The following FAM178B variants were observed in gnomAD, a reference collection of about 807,000 sequenced individuals.
FAM178B encodes family with sequence similarity 178 member B.
A neutral mutation model predicts 91.7 loss-of-function variants in FAM178B; 82 were observed. The ratio of observed to expected loss-of-function variants is 0.89; its 90% CI spans 0.75 to 1.07. The LOEUF (loss-of-function observed/expected upper bound fraction) is 1.07, where lower values mean the gene tolerates loss of function less well. FAM178B is among the 50% of genes least tolerant of loss of function. The pLI is 0.00. For synonymous variants in FAM178B, 368 were observed against 359.4 expected (o/e 1.02, Z -0.27); for missense variants, 769 against 846.7 (o/e 0.91, Z 1.14).
rs767277193 is a variant in FAM178B at position 96,967,030 on chromosome 2, C to T, written c.734+490G>A. Among the ~76,000 whole-genome samples the T allele has an allele frequency of 5.2e-4, 79 of 152,240 alleles. 1 individual carries two copies. Among genetic ancestry groups the T allele is most frequent in the Admixed American group, 3.9e-3 (60 of 15,296 alleles). The stretch of plus-strand genomic sequence containing the variant: ...AAACAGTGTGCCCTGAAGATGGATT[C>T]GGTTGTGGCCCTGGGCATCTCTGAT... On this transcript the variant is annotated intron_variant, in intron 5 of 16. Coordinates refer to ENST00000490605, the MANE Select transcript of FAM178B (RefSeq NM_001122646.3).
At chr2:96,887,328 G>C (rs1335596350) in intron 14 of FAM178B, among the ~76,000 whole-genome samples, 1 of 152,204 alleles carries the variant, frequency 6.6e-6, no homozygotes, top group Non-Finnish European at 1.5e-5. Context: ...CTCAACCTCT[G>C]AAAGTGCTGA....
intron 6 of FAM178B, among the ~76,000 whole-genome samples, chr2:96,959,171 C>A (rs1022601592): frequency 6.2e-5 from 9 of 145,970 alleles, no homozygotes; most frequent in African/African-American, 2.3e-4. Context: ...TGCACTCCAG[C>A]CTGGGTGACA....
intron 4 of FAM178B, 120 bp downstream of exon 4, chr2:96,970,596 G>A: frequency 1.3e-6 from 1 of 743,002 alleles, no homozygotes; most frequent in Non-Finnish European, 2.3e-6. Context: ...AGAGCACACA[G>A]GGCAGGCTGA....
At chr2:96,933,838 G>A (rs1243562534) in intron 8 of FAM178B, among the ~76,000 whole-genome samples, 1 of 152,194 alleles carries the variant, frequency 6.6e-6, no homozygotes, top group Non-Finnish European at 1.5e-5. Flanking sequence ...CAGGAGGCTG[G>A]TTCCTAAAGG....
intron 14 of FAM178B, among the ~76,000 whole-genome samples, chr2:96,882,979 G>T (rs931969540): frequency 1.3e-5 from 2 of 152,254 alleles, no homozygotes; most frequent in African/African-American, 4.8e-5. Flanking sequence ...CTGCCAGCAA[G>T]GGCCGAGCTC....
intron 1 of FAM178B, chr2:96,977,768 G>A (rs960820404): frequency 4.4e-6 from 2 of 452,158 alleles, no homozygotes; most frequent in East Asian, 1.4e-4. Context: ...AGTGCTTTCT[G>A]TGTCATCCTA....
chr2:96,984,524 G>A (rs1232565521), intron 1 of FAM178B, among the ~76,000 whole-genome samples: 2 of 152,248 alleles, frequency 1.3e-5, no homozygotes, highest in African/African-American at 4.8e-5. Context: ...CCCAATCAGC[G>A]TATTCAGACT....
intron 12 of FAM178B, among the ~76,000 whole-genome samples, chr2:96,903,031 C>CTTATT (rs536160571): frequency 1.4e-5 from 2 of 144,502 alleles, no homozygotes; most frequent in South Asian, 2.1e-4. Context: ...CACTGAACTG[C>CTTATT]TTATTTTATT....
intron 12 of FAM178B, among the ~76,000 whole-genome samples, chr2:96,911,568 T>C (rs1049769228): frequency 3.3e-5 from 5 of 152,228 alleles, no homozygotes; most frequent in Non-Finnish European, 5.9e-5. Flanking sequence ...AAAGATTTTA[T>C]GCACATCAGC....
At chr2:96,921,752 G>A (rs930740270) in intron 10 of FAM178B, 98 bp from the exon 11 acceptor site, 69 of 1,243,070 alleles carry the variant, frequency 5.6e-5, no homozygotes, top group Non-Finnish European at 7.4e-5. Flanking sequence ...CAGAAGGGAT[G>A]GTACTGTGAG....
intron 5 of FAM178B, among the ~76,000 whole-genome samples, chr2:96,960,875 G>A (rs1386369609): frequency 6.6e-6 from 1 of 152,142 alleles, no homozygotes; most frequent in Non-Finnish European, 1.5e-5. Context: ...CGCTGGGTGC[G>A]GCCAGTGTCG....
rs369529026 is a variant in FAM178B at position 96,888,619 on chromosome 2, G to A, written c.1776+5307C>T. On this transcript the variant is annotated intron_variant, in intron 14 of 16. Coordinates refer to ENST00000490605, the MANE Select transcript of FAM178B (RefSeq NM_001122646.3). The stretch of plus-strand genomic sequence containing the variant: ...CCTCCCATTAAGGCGGCCCTTGGCA[G>A]GGTCACCCAGCACAGGGACAGACAA... Among the ~76,000 whole-genome samples the A allele has an allele frequency of 7.2e-5, 11 of 152,356 alleles. No individual in the cohort carries two copies. The East Asian group carries it at 1.7e-3, about 24-fold the overall frequency.
Position 96,928,384 on chromosome 2 carries a change from C to G in FAM178B, c.1193+822G>C, listed in dbSNP as rs868542377. ...CTTAAGCTAAGTCGCCATCCGCCCA[C>G]CAGAGCTATTTATGCATCACGTGGC... On this transcript the variant is annotated intron_variant, in intron 9 of 16. Transcript: ENST00000490605. 3.3e-5 allele frequency among the ~76,000 whole-genome samples: 5 copies of G among 152,298 alleles called. No individual in the cohort carries two copies. The South Asian group carries it at 1.0e-3, about 32-fold the overall frequency.
intron 8 of FAM178B, among the ~76,000 whole-genome samples, chr2:96,943,489 G>A (rs904046831): frequency 2.0e-5 from 3 of 152,138 alleles, no homozygotes; most frequent in Non-Finnish European, 4.4e-5. Context: ...CACATTTTAA[G>A]AGGTTTCTTT....
intron 14 of FAM178B, 150 bp from the exon 15 acceptor site, chr2:96,878,643 G>A (rs1325586933): frequency 2.9e-6 from 2 of 701,348 alleles, no homozygotes; most frequent in South Asian, 3.4e-5. Context: ...TTCCAGGGAG[G>A]CATCTTCAAG....
At chr2:96,883,851 T>G (rs2080450690) in intron 14 of FAM178B, among the ~76,000 whole-genome samples, 1 of 152,150 alleles carries the variant, frequency 6.6e-6, no homozygotes, top group Admixed American at 6.5e-5. Flanking sequence ...CTCACAGCCC[T>G]AGCCTGGCTG....
chr2:96,952,736 C>T (rs1158212123), intron 6 of FAM178B, among the ~76,000 whole-genome samples: 2 of 152,150 alleles, frequency 1.3e-5, no homozygotes, highest in African/African-American at 2.4e-5. Context: ...CTACGTCCTG[C>T]GCATTTTGTG....
chr2:96,893,797 C>T (rs1486565874), intron 14 of FAM178B, 129 bp downstream of exon 14: 3 of 1,191,980 alleles, frequency 2.5e-6, no homozygotes, highest in Non-Finnish European at 3.4e-6. Flanking sequence ...CTGTTGGTCT[C>T]TGCCCTGGCA....
At chr2:96,974,258 T>C (rs1261440828) in intron 1 of FAM178B, among the ~76,000 whole-genome samples, 2 of 151,028 alleles carry the variant, frequency 1.3e-5, no homozygotes, top group Admixed American at 1.3e-4. Flanking sequence ...GGTGGACGCC[T>C]GTAGTCCCAG....
Sources: gnomAD v4.1 joint callset for allele counts (sites outside exome capture counted in the v4.1 genomes callset) on GRCh38, gnomAD v4.1.1 for gene constraint, MANE v1.5 for transcripts, NCBI Gene and HGNC (gene_info 2026-07-23, HGNC 2026-07-21) for gene names.